The following CACNA1H variants were observed in gnomAD, a reference collection of about 807,000 sequenced individuals.
CACNA1H encodes the protein voltage-dependent T-type calcium channel subunit alpha-1H.
In CACNA1H, 149 loss-of-function variants were observed where a neutral mutation model predicts 192.5. The observed-to-expected ratio is 0.77, with a 90% confidence interval of 0.68 to 0.89. The LOEUF is 0.89. Ranked by LOEUF, CACNA1H falls within the 40% of genes least tolerant of loss-of-function variation. The pLI is 0.00. For missense variants in CACNA1H, 4,257 were observed against 3,423.5 expected (o/e 1.24, Z -6.08); for synonymous variants, 2,202 against 1,475.2 (o/e 1.49, Z -11.29).
chr16:1,170,450 G>A (rs186194380), intron 2 of CACNA1H, among the ~76,000 whole-genome samples: 11 of 152,354 alleles, frequency 7.2e-5, no homozygotes, highest in African/African-American at 2.4e-4. Flanking sequence ...GAGAGACAGA[G>A]GCAGGGGAGG....
intron 2 of CACNA1H, among the ~76,000 whole-genome samples, chr16:1,187,073 G>A (rs893615311): frequency 2.6e-5 from 4 of 152,264 alleles, no homozygotes; most frequent in Admixed American, 2.6e-4. Flanking sequence ...CTCAGAGCCC[G>A]CGACCGTCCC....
At chr16:1,193,203 G>A (rs1206103847) in intron 2 of CACNA1H, among the ~76,000 whole-genome samples, 1 of 151,222 alleles carries the variant, frequency 6.6e-6, no homozygotes, top group African/African-American at 2.4e-5. Context: ...CTCGGGAAAT[G>A]ATGGCCCTCA....
At position 1,220,032 on chromosome 16, in the gene CACNA1H, A is replaced by G; in HGVS notation, c.6100A>G (p.Thr2034Ala). Residue 2034 changes from threonine to alanine, a missense_variant, in exon 35 of 35, where the codon ACC becomes GCC. Physicochemically the swap from Thr to Ala is moderately conservative, Grantham distance 58. Coordinates refer to ENST00000348261, the MANE Select transcript of CACNA1H (RefSeq NM_021098.3). ...AGGGAAGATTGACAGCCCTAGGGAC[A>G]CCCTGGATCCTGCAGAGCCTGGTGA... ...LEGKIDSPRD[T>A]LDPAEPGEKT... The G allele has an allele frequency of 7.1e-7, 1 of 1,409,138 alleles. No individual in the cohort carries two copies. Among genetic ancestry groups the G allele is most frequent in the Non-Finnish European group, 9.2e-7 (1 of 1,081,286 alleles). 87.3% of individuals were successfully genotyped at this position (1,409,138 alleles called of 1,614,324 possible). A position where few individuals can be genotyped will look rare whatever the true frequency, so the allele number is the denominator to read the frequency against.
Position 1,153,906 on chromosome 16 carries a change from G to C in CACNA1H, c.169G>C (p.Glu57Gln), listed in dbSNP as rs1961912688. 1 of 1,453,042 alleles carries C rather than the reference G, an allele frequency of 6.9e-7. No homozygotes were observed. Among genetic ancestry groups the C allele is most frequent in the East Asian group, 3.1e-5 (1 of 32,524 alleles). 90.0% of individuals were successfully genotyped at this position (1,453,042 alleles called of 1,614,324 possible). ...GVSPSESPAA[E>Q]RGAELGADEE... ...GTCACCCTCCGAGAGCCCGGCGGCC[G>C]AGCGCGGCGCGGAGCTGGGTGCCGA... Residue 57 changes from glutamate to glutamine, a missense_variant, in exon 2 of 35, where the codon GAG becomes CAG. Coordinates refer to ENST00000348261, the MANE Select transcript of CACNA1H (RefSeq NM_021098.3).
At chr16:1,207,681 C>A in intron 14 of CACNA1H, 89 bp from the exon 15 acceptor site, 1 of 1,226,720 alleles carries the variant, frequency 8.2e-7, no homozygotes, top group Non-Finnish European at 1.2e-6. Flanking sequence ...CCACACCCCA[C>A]CTCCCAGGCC....
At chr16:1,159,794 A>C (rs1962942175) in intron 2 of CACNA1H, 1 of 152,258 alleles carries the variant, frequency 6.6e-6, no homozygotes, top group Admixed American at 6.5e-5. Context: ...CAGCCCCTGA[A>C]GGAAGCTCTT....
chr16:1,214,221 A>C (rs1485977241), intron 27 of CACNA1H, among the ~76,000 whole-genome samples: 1 of 152,152 alleles, frequency 6.6e-6, no homozygotes, highest in African/African-American at 2.4e-5. Flanking sequence ...CATCCGACCC[A>C]TGGGGAGGGG....
In CACNA1H at chr16:1,201,947, TCCC is replaced by T; in HGVS notation, c.1498_1500del (p.Pro500del). The T allele has an allele frequency of 1.3e-6, 2 of 1,547,238 alleles. No homozygotes were observed. Among genetic ancestry groups the T allele is most frequent in the Middle Eastern group, 3.4e-4 (2 of 5,808 alleles). ...ACCCCAGTGCTGTGCAAGGCCAGGG[TCCC>T]GGGCACCGCCAGCGCCGGGCAGGCA... On this transcript the variant is annotated inframe_deletion, in exon 9 of 35. Transcript: ENST00000348261.
At chr16:1,217,636 C>A (rs1970137077) in intron 31 of CACNA1H, among the ~76,000 whole-genome samples, 1 of 152,234 alleles carries the variant, frequency 6.6e-6, no homozygotes, top group Non-Finnish European at 1.5e-5. Context: ...CATCCCCCGC[C>A]ACGCGCAGTC....
At chr16:1,168,764 A>G (rs1567446807) in intron 2 of CACNA1H, among the ~76,000 whole-genome samples, 2 of 151,992 alleles carry the variant, frequency 1.3e-5, no homozygotes, top group African/African-American at 2.4e-5. Context: ...TAGGGGGATC[A>G]TGGCGCCCCC....
intron 2 of CACNA1H, among the ~76,000 whole-genome samples, chr16:1,192,028 A>G (rs2151814389): frequency 6.6e-6 from 1 of 152,356 alleles, no homozygotes; most frequent in East Asian, 1.9e-4. Flanking sequence ...CTGCAGGCCC[A>G]ACCTTGCCCC....
intron 2 of CACNA1H, among the ~76,000 whole-genome samples, chr16:1,164,776 G>C (rs972870145): frequency 1.3e-5 from 2 of 152,194 alleles, no homozygotes; most frequent in Admixed American, 1.3e-4. Flanking sequence ...GTCTGGTGGT[G>C]CTGCCCTCAC....
At chr16:1,160,582 C>T (rs979605575) in intron 2 of CACNA1H, among the ~76,000 whole-genome samples, 2 of 152,204 alleles carry the variant, frequency 1.3e-5, no homozygotes, top group African/African-American at 4.8e-5. Context: ...TGCCGTGGTG[C>T]AGGGGGTGTG....
chr16:1,208,163 ACT>A lies in CACNA1H; in HGVS notation c.3309_3310del (p.Arg1104AlafsTer60). 1 of 1,570,142 alleles carries A rather than the reference ACT, an allele frequency of 6.4e-7. No homozygotes were observed. Among genetic ancestry groups the A allele is most frequent in the South Asian group, 1.2e-5 (1 of 85,428 alleles). On this transcript the variant is annotated frameshift_variant, in exon 16 of 35. Coordinates refer to ENST00000348261, the MANE Select transcript of CACNA1H (RefSeq NM_021098.3). LOFTEE classifies it high-confidence loss of function. ...CTGGATGCAGCCCCCAGCCTCCCAG[ACT>A]CTCGGCGTGGCAGCAGCAGCTCCGG...
chr16:1,204,761 G>A lies in CACNA1H; in HGVS notation c.2451+303G>A, dbSNP rs543478764. Among the ~76,000 whole-genome samples the A allele has an allele frequency of 7.0e-4, 95 of 136,660 alleles. 1 individual carries two copies. The highest frequency in any genetic ancestry group is 2.4e-3 in the African/African-American group (92 of 38,058). The allele number at this position is 136,660 out of a possible 152,430, so 89.7% of individuals were successfully genotyped here. ...CCAAACCTGCTCCCAGATCAGTGCCGGGGAGGGGTGGGAGCCGTGGGTGGG... is the reference window on the plus strand; with the variant it reads ...CCAAACCTGCTCCCAGATCAGTGCCAGGGAGGGGTGGGAGCCGTGGGTGGG... On this transcript the variant is annotated intron_variant, in intron 10 of 34. Transcript: ENST00000348261.
chr16:1,202,460 C>T lies in CACNA1H; in HGVS notation c.2002+8C>T, dbSNP rs947211623. The T allele has an allele frequency of 4.1e-6, 6 of 1,473,236 alleles. No homozygotes were observed. In the South Asian group the frequency reaches 5.5e-5, roughly 13 times the overall value. The allele number at this position is 1,473,236 out of a possible 1,614,324, so 91.3% of individuals were successfully genotyped here. Reference sequence around the variant, plus strand: ...ATGTGGTCGGGGAGCATGGTGAGGACCCAGCCCCACCCCACGGAGGAGGCG... The same window carrying T: ...ATGTGGTCGGGGAGCATGGTGAGGATCCAGCCCCACCCCACGGAGGAGGCG... On this transcript the variant is annotated splice_region_variant and intron_variant, in intron 9 of 34. Transcript: ENST00000348261.
chr16:1,204,830 C>G (rs1337117601), intron 10 of CACNA1H, among the ~76,000 whole-genome samples: 91 of 82,402 alleles, frequency 1.1e-3, no homozygotes, highest in African/African-American at 1.8e-3. Flanking sequence ...GCGGGTGGGG[C>G]CCCAGATCAG....
In CACNA1H at chr16:1,210,484, C is replaced by T. The variant is rs761762840; in HGVS notation, c.3960C>T (p.Pro1320=). The T allele has an allele frequency of 1.1e-5, 17 of 1,611,742 alleles. No individual in the cohort carries two copies. The highest frequency in any genetic ancestry group is 1.6e-4 in the Middle Eastern group (1 of 6,082). Residue 1320 remains proline (P), a synonymous_variant, in exon 19 of 35, where the codon CCC becomes CCT. Transcript: ENST00000348261. The part of the protein sequence containing the change: ...TIALERPDID[P]GSTERVFLSV... Reference sequence around the variant, plus strand: ...CCCTGGAGAGGCCTGACATTGATCCCGGCAGCACCGTGAGTCAGCCAACCC... The same window carrying T: ...CCCTGGAGAGGCCTGACATTGATCCTGGCAGCACCGTGAGTCAGCCAACCC...
At chr16:1,195,170 G>A (rs1033593434) in intron 3 of CACNA1H, 87 bp downstream of exon 3, 4 of 1,013,080 alleles carry the variant, frequency 3.9e-6, no homozygotes, top group Non-Finnish European at 5.9e-6. Context: ...GGCGGGGCAA[G>A]GTTCAAGGTG....
Sources: gnomAD v4.1 joint callset for allele counts (sites outside exome capture counted in the v4.1 genomes callset) on GRCh38, gnomAD v4.1.1 for gene constraint, MANE v1.5 for transcripts, NCBI Gene and HGNC (gene_info 2026-07-23, HGNC 2026-07-21) for gene names.